USH2A: variants seen among roughly 807,000 people sequenced by gnomAD.
USH2A encodes Usher syndrome 2A (autosomal recessive, mild).
Under a neutral mutation model 538.9 loss-of-function variants are expected in USH2A, and 443 were observed. That is an observed-to-expected ratio of 0.82 (90% CI 0.76 to 0.89). The LOEUF (loss-of-function observed/expected upper bound fraction) is 0.89, where lower values mean the gene tolerates loss of function less well. USH2A is among the 40% of genes least tolerant of loss of function. USH2A has a pLI of 0.00. For missense variants in USH2A, 6,633 were observed against 6,324.8 expected, an observed-to-expected ratio of 1.05 and a Z score of -1.65; for synonymous variants, 2,413 against 2,273.5, an observed-to-expected ratio of 1.06 and a Z score of -1.75.
intron 14 of USH2A, among the ~76,000 whole-genome samples, chr1:216,227,387 T>C (rs1453117301): frequency 6.6e-6 from 1 of 152,180 alleles, no homozygotes. Flanking sequence ...AGTGAGAGAT[T>C]AGACAATAAC....
chr1:215,912,473 A>ATGAAG (rs1665817600), intron 38 of USH2A, among the ~76,000 whole-genome samples: 1 of 16,068 alleles, frequency 6.2e-5, no homozygotes, highest in Non-Finnish European at 1.3e-4. Context: ...ATATATATAT[A>ATGAAG]TACGTATATA....
chr1:216,216,088 A>C (rs897955909), intron 15 of USH2A, among the ~76,000 whole-genome samples: 2 of 152,266 alleles, frequency 1.3e-5, no homozygotes, highest in South Asian at 4.1e-4. Context: ...ACTCATATCC[A>C]AAAGGAATAT....
At chr1:215,868,519 A>T (rs1435359593) in intron 43 of USH2A, among the ~76,000 whole-genome samples, 1 of 152,094 alleles carries the variant, frequency 6.6e-6, no homozygotes. Context: ...CAGGTGTTTA[A>T]TGCCTCTTTT....
intron 47 of USH2A, among the ~76,000 whole-genome samples, chr1:215,826,855 G>A (rs1476641860): frequency 6.6e-6 from 1 of 152,114 alleles, no homozygotes; most frequent in Non-Finnish European, 1.5e-5. Context: ...TGGAAATGGA[G>A]AAGAGTAACA....
At position 215,878,097 on chromosome 1, in the gene USH2A, G is replaced by A. The variant is rs73090759; in HGVS notation, c.8559-217C>T. 0.039 allele frequency among the ~76,000 whole-genome samples: 5,971 copies of A among 151,864 alleles called. 163 individuals are homozygous for A. Among genetic ancestry groups the A allele is most frequent in the East Asian group, 0.14 (725 of 5,168 alleles). ...ATATTTTGAAGAATCAGTTACATTC[G>A]CATTTTACTATTATCTCCCAGAATG... is the stretch of plus-strand genomic sequence containing the variant. On this transcript the variant is annotated intron_variant, in intron 42 of 71. Coordinates refer to ENST00000307340, the MANE Select transcript of USH2A (RefSeq NM_206933.4).
Position 216,246,669 on chromosome 1 carries a change from G to A in USH2A, c.2725C>T (p.Pro909Ser), listed in dbSNP as rs1407464351. Residue 909 changes from proline to serine, a missense_variant, in exon 13 of 72, where the codon CCT (proline) becomes TCT (serine). Transcript: ENST00000307340. Reference sequence around the variant, plus strand: ...CTGATTGGGTCACAAATGGTCCCAGGTAATGTCCCCAAGGAATCACACTCA... The same window carrying A: ...CTGATTGGGTCACAAATGGTCCCAGATAATGTCCCCAAGGAATCACACTCA... The part of the protein sequence containing the change: ...MCECDSLGTL[P>S]GTICDPISGQ... The A allele has an allele frequency of 6.2e-7, 1 of 1,614,066 alleles. No homozygotes were observed. Among genetic ancestry groups the A allele is most frequent in the South Asian group, 1.1e-5 (1 of 91,078 alleles).
intron 50 of USH2A, among the ~76,000 whole-genome samples, chr1:215,795,571 G>A (rs1367960213): frequency 2.0e-5 from 3 of 152,164 alleles, no homozygotes; most frequent in Non-Finnish European, 4.4e-5. Context: ...AAAAGCTACA[G>A]ATGAACAAAC....
chr1:216,258,260 C>T (rs1256669126), intron 11 of USH2A, among the ~76,000 whole-genome samples: 1 of 152,050 alleles, frequency 6.6e-6, no homozygotes, highest in African/African-American at 2.4e-5. Flanking sequence ...AGTTATCAGC[C>T]TAGGGCTATT....
chr1:215,902,108 A>G (rs1665517532), intron 38 of USH2A, among the ~76,000 whole-genome samples: 1 of 152,172 alleles, frequency 6.6e-6, no homozygotes, highest in Non-Finnish European at 1.5e-5. Context: ...TTTGTTGGGA[A>G]CATTCTGATT....
At chr1:216,262,127 G>T (rs1418139540) in intron 11 of USH2A, among the ~76,000 whole-genome samples, 2 of 152,072 alleles carry the variant, frequency 1.3e-5, no homozygotes, top group Non-Finnish European at 2.9e-5. Flanking sequence ...TACCAGATGT[G>T]CAGGTATCAA....
chr1:216,303,187 G>A (rs921930309), intron 9 of USH2A, among the ~76,000 whole-genome samples: 3 of 151,940 alleles, frequency 2.0e-5, no homozygotes, highest in Non-Finnish European at 2.9e-5. Flanking sequence ...GGATTTTAAA[G>A]TTTATTCAAG....
At chr1:215,724,877 G>T (rs1165144317) in intron 61 of USH2A, among the ~76,000 whole-genome samples, 1 of 152,088 alleles carries the variant, frequency 6.6e-6, no homozygotes, top group Non-Finnish European at 1.5e-5. Context: ...TCAATAATTT[G>T]TTGGACCCTG....
rs180806512 is a variant in USH2A, at chr1:216,258,483, G to A, written c.1972-7385C>T. ...AGTGAATTCTTAAGGAAGATGCTCTGTAGATCTGTGAAATTATCTCTGTGT... is the reference window on the plus strand; with the variant it reads ...AGTGAATTCTTAAGGAAGATGCTCTATAGATCTGTGAAATTATCTCTGTGT... On this transcript the variant is annotated intron_variant, in intron 11 of 71. Transcript: ENST00000307340. 2.6e-5 allele frequency among the ~76,000 whole-genome samples: 4 copies of A among 152,178 alleles called. No individual in the cohort carries two copies. The East Asian group carries it at 7.8e-4, about 29-fold the overall frequency.
chr1:216,043,634 G>A (rs185857248), intron 32 of USH2A, among the ~76,000 whole-genome samples: 8 of 152,162 alleles, frequency 5.3e-5, no homozygotes, highest in Admixed American at 2.6e-4. Flanking sequence ...GTCACATGGC[G>A]TTCTTGATAA....
rs1278574750 is a variant in USH2A at position 215,845,804 on chromosome 1, C to G, written c.9055+20G>C. On this transcript the variant is annotated intron_variant, in intron 45 of 71. Transcript: ENST00000307340. ...TCATTCGCATCTCTGAGGCAAATAT[C>G]CTTTAGAATCTGGACTCACCCCCAT... 1 of 1,610,924 alleles carries G rather than the reference C, an allele frequency of 6.2e-7. No individual in the cohort carries two copies. The highest frequency in any genetic ancestry group is 1.7e-5 in the Admixed American group (1 of 59,858).
At chr1:215,713,455 T>TA (rs1298088038) in intron 61 of USH2A, among the ~76,000 whole-genome samples, 2 of 152,030 alleles carry the variant, frequency 1.3e-5, no homozygotes, top group Non-Finnish European at 2.9e-5. Context: ...ATTTTTTTTT[T>TA]AAATCAGTTG....
chr1:216,360,628 G>C (rs1280926998), intron 4 of USH2A, among the ~76,000 whole-genome samples: 1 of 152,114 alleles, frequency 6.6e-6, no homozygotes, highest in Non-Finnish European at 1.5e-5. Flanking sequence ...AAGGCTGTGC[G>C]TGTGTAGGAG....
intron 19 of USH2A, chr1:216,194,120 GC>G (rs1414030362): frequency 6.6e-6 from 1 of 152,090 alleles, no homozygotes; most frequent in Non-Finnish European, 1.5e-5. Flanking sequence ...GGGGGAATTT[GC>G]CCTAAGATAG....
intron 30 of USH2A, among the ~76,000 whole-genome samples, chr1:216,049,833 C>T (rs913082277): frequency 6.6e-6 from 1 of 152,134 alleles, no homozygotes; most frequent in African/African-American, 2.4e-5. Context: ...TTCATTCCAG[C>T]AACGACCCAG....
Sources: allele counts gnomAD v4.1 joint callset (sites outside exome capture counted in the v4.1 genomes callset), GRCh38; gene constraint gnomAD v4.1.1; transcripts MANE v1.5; gene names NCBI Gene and HGNC (gene_info 2026-07-23, HGNC 2026-07-21).